Variants in EPHB1 observed in about 807,000 individuals in gnomAD.
EPHB1 encodes EPH receptor B1, also known as ephrin type-B receptor 1.
In EPHB1, 30 loss-of-function variants were observed where a neutral mutation model predicts 94.4. The observed-to-expected ratio is 0.32, with a 90% CI of 0.24 to 0.43. The LOEUF (loss-of-function observed/expected upper bound fraction) is 0.43. Ranked by LOEUF, EPHB1 falls within the 20% of genes least tolerant of loss-of-function variation. The pLI is 1.00. For missense variants in EPHB1, 1,055 were observed against 1,308.3 expected (o/e 0.81, Z 2.99); for synonymous variants, 522 against 489.1 (o/e 1.07, Z -0.89).
intron 3 of EPHB1, among the ~76,000 whole-genome samples, chr3:135,048,157 GA>G (rs1295803145): frequency 3.0e-4 from 45 of 151,538 alleles, no homozygotes; most frequent in African/African-American, 1.1e-3. Context: ...TGGGAAGGAG[GA>G]GGGAAGGGAA....
intron 1 of EPHB1, among the ~76,000 whole-genome samples, chr3:134,876,905 T>C (rs889552582): frequency 6.6e-6 from 1 of 152,176 alleles, no homozygotes; most frequent in Admixed American, 6.5e-5. Flanking sequence ...TCTGCATGCT[T>C]CCCACATGCC....
At position 135,192,700 on chromosome 3, in the gene EPHB1, G is replaced by A. The variant is rs746250578; in HGVS notation, c.2007G>A (p.Ala669=). 5.0e-6 allele frequency: 8 copies of A among 1,614,026 alleles called. No individual in the cohort carries two copies. The highest frequency in any genetic ancestry group is 2.2e-5 in the East Asian group (1 of 44,892). The change falls in exon 11 of 16, where the codon GCG becomes GCA. Residue 669 remains alanine (A), a synonymous_variant. Coordinates refer to ENST00000398015, the MANE Select transcript of EPHB1 (RefSeq NM_004441.5). ...AGCGTCGGGACTTTCTGAGTGAGGC[G>A]AGCATCATGGGCCAGTTCGACCATC... ...EKQRRDFLSE[A]SIMGQFDHPN...
intron 3 of EPHB1, among the ~76,000 whole-genome samples, chr3:134,952,369 T>TCA (rs748094985): frequency 0.029 from 3,459 of 121,226 alleles, 54 homozygotes; most frequent in South Asian, 0.042. Flanking sequence ...TCTCTCTCTC[T>TCA]CTCACACACA....
intron 1 of EPHB1, among the ~76,000 whole-genome samples, chr3:134,886,858 A>G (rs1052964267): frequency 6.6e-6 from 1 of 152,170 alleles, no homozygotes; most frequent in African/African-American, 2.4e-5. Context: ...GGAGCTGAGG[A>G]GGCATCATGA....
At chr3:134,922,092 G>A (rs2038699357) in intron 1 of EPHB1, among the ~76,000 whole-genome samples, 1 of 152,188 alleles carries the variant, frequency 6.6e-6, no homozygotes, top group Non-Finnish European at 1.5e-5. Context: ...GTCCTCTGCA[G>A]GAATCCCCAG....
chr3:134,844,122 A>G (rs1430388966), intron 1 of EPHB1, among the ~76,000 whole-genome samples: 2 of 152,194 alleles, frequency 1.3e-5, no homozygotes, highest in Non-Finnish European at 2.9e-5. Context: ...TCTATGGTAT[A>G]TGACCACTTT....
intron 1 of EPHB1, among the ~76,000 whole-genome samples, chr3:134,849,342 AGAGT>A (rs1329809233): frequency 2.2e-4 from 34 of 152,224 alleles, no homozygotes; most frequent in Non-Finnish European, 5.9e-5. Context: ...CTACTAATTT[AGAGT>A]GAGGAGAGAC....
chr3:134,890,685 A>G (rs950083553), intron 1 of EPHB1, among the ~76,000 whole-genome samples: 1 of 152,268 alleles, frequency 6.6e-6, no homozygotes, highest in African/African-American at 2.4e-5. Context: ...ATGTATAAAT[A>G]AATAACACTT....
chr3:135,072,513 G>A (rs1937758782), intron 3 of EPHB1, among the ~76,000 whole-genome samples: 1 of 152,138 alleles, frequency 6.6e-6, no homozygotes, highest in Non-Finnish European at 1.5e-5. Context: ...GCTCTCCAAT[G>A]GTAGCTCCTT....
At chr3:134,842,689 A>G (rs977513325) in intron 1 of EPHB1, among the ~76,000 whole-genome samples, 1 of 152,180 alleles carries the variant, frequency 6.6e-6, no homozygotes, top group African/African-American at 2.4e-5. Context: ...CTCTTCTTCA[A>G]ACATGTCTTT....
chr3:135,191,495 G>A (rs982858727), intron 10 of EPHB1, among the ~76,000 whole-genome samples: 1 of 152,210 alleles, frequency 6.6e-6, no homozygotes, highest in East Asian at 1.9e-4. Context: ...GAGAGAGAAA[G>A]TTTTCTCAGC....
intron 9 of EPHB1, among the ~76,000 whole-genome samples, chr3:135,176,876 A>G (rs1308639213): frequency 6.6e-6 from 1 of 152,202 alleles, no homozygotes; most frequent in Non-Finnish European, 1.5e-5. Context: ...ACAGCTTAGC[A>G]TACATCGTTC....
chr3:134,850,274 C>G (rs2036954067), intron 1 of EPHB1, among the ~76,000 whole-genome samples: 1 of 152,218 alleles, frequency 6.6e-6, no homozygotes, highest in South Asian at 2.1e-4. Flanking sequence ...TTTAAAGCTC[C>G]TTCCCCACCA....
At chr3:135,241,389 G>A in intron 13 of EPHB1, 92 bp downstream of exon 13, 5 of 1,519,996 alleles carry the variant, frequency 3.3e-6, no homozygotes, top group East Asian at 2.3e-5. Flanking sequence ...TCAGCTCACG[G>A]CCTCATAATC....
intron 3 of EPHB1, among the ~76,000 whole-genome samples, chr3:135,062,447 G>T (rs1937526360): frequency 6.6e-6 from 1 of 152,168 alleles, no homozygotes; most frequent in Non-Finnish European, 1.5e-5. Flanking sequence ...CATTAGTGAT[G>T]CTGAGCATTT....
chr3:135,080,123 C>T (rs6762265), intron 3 of EPHB1, among the ~76,000 whole-genome samples: 67,494 of 152,034 alleles, frequency 0.44, 15,438 homozygotes, highest in Middle Eastern at 0.5. Flanking sequence ...CCCTGGCCTG[C>T]GCACTTCTCC....
intron 12 of EPHB1, among the ~76,000 whole-genome samples, chr3:135,220,298 G>A (rs1437192324): frequency 6.6e-6 from 1 of 152,166 alleles, no homozygotes; most frequent in African/African-American, 2.4e-5. Context: ...TCTAGCTGCA[G>A]GGGGAATATG....
At chr3:135,232,914 C>A (rs1943566668) in intron 12 of EPHB1, among the ~76,000 whole-genome samples, 1 of 152,176 alleles carries the variant, frequency 6.6e-6, no homozygotes. Flanking sequence ...AGAACTCACT[C>A]ACTAGTACAG....
At chr3:135,097,816 G>C (rs766978035) in intron 3 of EPHB1, among the ~76,000 whole-genome samples, 2 of 152,216 alleles carry the variant, frequency 1.3e-5, no homozygotes, top group African/African-American at 4.8e-5. Flanking sequence ...GGATGATGTA[G>C]AAGTAAATGC....
Sources: allele counts gnomAD v4.1 joint callset (sites outside exome capture counted in the v4.1 genomes callset), GRCh38; gene constraint gnomAD v4.1.1; transcripts MANE v1.5; gene names NCBI Gene and HGNC (gene_info 2026-07-23, HGNC 2026-07-21).